Variants in PSMD3 observed in about 807,000 individuals in gnomAD.
PSMD3 encodes the protein proteasome 26S subunit, non-ATPase 3.
PSMD3 carries 5 observed loss-of-function variants against 62.8 expected under a neutral mutation model. The observed-to-expected ratio is 0.08, with a 90% confidence interval of 0.04 to 0.17. The LOEUF is 0.17. PSMD3 is among the 10% of genes least tolerant of loss of function. The pLI is 1.00. For missense variants in PSMD3, 524 were observed against 713.6 expected (o/e 0.73, Z 3.03); for synonymous variants, 265 against 283.9 (o/e 0.93, Z 0.67).
rs1185640344 is a variant in PSMD3 at position 39,995,128 on chromosome 17, T to C, written c.1097-48T>C. 3.1e-6 allele frequency: 5 copies of C among 1,613,930 alleles called. No homozygotes were observed. Among genetic ancestry groups the C allele is most frequent in the Non-Finnish European group, 4.2e-6 (5 of 1,179,976 alleles). On this transcript the variant is annotated intron_variant, in intron 7 of 11. Transcript: ENST00000264639. The surrounding 1 kb of genome is among the most constrained non-coding windows in gnomAD (Gnocchi z 4.1). Reference sequence around the variant, plus strand: ...GCCCCCTTCAGTGGGGCCTCTTACATGCCTGTGCCTATTTGCATCATCCAA... The same window carrying C: ...GCCCCCTTCAGTGGGGCCTCTTACACGCCTGTGCCTATTTGCATCATCCAA...
At position 39,995,819 on chromosome 17, in the gene PSMD3, T is replaced by TA; in HGVS notation, c.1320+293dup. ...GGATGGAACAAGATGTTCTCTGACTTAGAAGATGGGCGTGCTGGGCCAGGC... is the reference window on the plus strand; with the variant it reads ...GGATGGAACAAGATGTTCTCTGACTTAAGAAGATGGGCGTGCTGGGCCAGGC... On this transcript the variant is annotated intron_variant, in intron 9 of 11. Transcript: ENST00000264639. The surrounding 1 kb of genome is among the most constrained non-coding windows in gnomAD (Gnocchi z 4.1). 2.0e-6 allele frequency: 1 copy of TA among 501,102 alleles called. No homozygotes were observed. The highest frequency in any genetic ancestry group is 3.6e-6 in the Non-Finnish European group (1 of 275,814). The allele number at this position is 501,102 out of a possible 1,614,324, so 31.0% of individuals were successfully genotyped here.
In PSMD3 at chr17:39,996,978, C is replaced by T. The variant is rs76357059; in HGVS notation, c.1477-352C>T. ...GTCCCTTAGGTCAAGCCTCCCCTCC[C>T]ACTCCTGCCCCACCACCCAGCAGCC... On this transcript the variant is annotated intron_variant, in intron 10 of 11. Transcript: ENST00000264639. The surrounding 1 kb of genome is among the most constrained non-coding windows in gnomAD (Gnocchi z 5.1). 0.011 allele frequency among the ~76,000 whole-genome samples: 1,720 copies of T among 152,246 alleles called. 39 individuals are homozygous for T. Among genetic ancestry groups the T allele is most frequent in the African/African-American group, 0.039 (1,609 of 41,538 alleles).
chr17:39,992,496 A>G (rs1230743618), intron 6 of PSMD3, among the ~76,000 whole-genome samples: 1 of 152,212 alleles, frequency 6.6e-6, no homozygotes, highest in Non-Finnish European at 1.5e-5. Flanking sequence ...GGGTGATGCC[A>G]GTGCTGCTGG....
At chr17:39,988,547 C>T in intron 3 of PSMD3, 136 bp from the exon 4 acceptor site, 1 of 1,020,844 alleles carries the variant, frequency 9.8e-7, no homozygotes. Context: ...CATTCGTGTA[C>T]ATGCTTTTAT....
Position 39,995,364 on chromosome 17 carries a change from C to T in PSMD3, c.1217-60C>T, listed in dbSNP as rs563907315. The T allele has an allele frequency of 1.2e-5, 20 of 1,613,582 alleles. No homozygotes were observed. The South Asian group carries it at 2.2e-4, about 18-fold the overall frequency. On this transcript the variant is annotated intron_variant, in intron 8 of 11. Coordinates refer to ENST00000264639, the MANE Select transcript of PSMD3 (RefSeq NM_002809.4). The surrounding 1 kb of genome is among the most constrained non-coding windows in gnomAD (Gnocchi z 4.1). ...GGCCAGGGCAAACCTAGTGGGTATC[C>T]TTGGGCAAGTGAAGGGTCTGTGTCC...
intron 2 of PSMD3, 145 bp from the exon 3 acceptor site, chr17:39,986,430 T>C: frequency 9.6e-7 from 1 of 1,041,940 alleles, no homozygotes; most frequent in Non-Finnish European, 1.4e-6. Flanking sequence ...CTGTAATCTT[T>C]ATTTTTTTAT....
intron 6 of PSMD3, among the ~76,000 whole-genome samples, chr17:39,992,272 T>C (rs1980676448): frequency 6.6e-6 from 1 of 152,138 alleles, no homozygotes; most frequent in African/African-American, 2.4e-5. Context: ...CGTAGAGAGC[T>C]GGAAGAGAGG....
chr17:39,986,738 T>A, intron 3 of PSMD3, 26 bp downstream of exon 3: 1 of 1,612,896 alleles, frequency 6.2e-7, no homozygotes, highest in Non-Finnish European at 8.5e-7. Context: ...TGAGAGCGAT[T>A]CATAAGCCCC....
Position 39,986,729 on chromosome 17 carries a change from G to A in PSMD3, c.549+17G>A. 6.2e-7 allele frequency: 1 copy of A among 1,613,680 alleles called. No homozygotes were observed. Among genetic ancestry groups the A allele is most frequent in the Non-Finnish European group, 8.5e-7 (1 of 1,179,802 alleles). ...TACAAAGAGGTATCCAGGATGCAGT[G>A]AGAGCGATTCATAAGCCCCAAGTGA... On this transcript the variant is annotated intron_variant, in intron 3 of 11. Coordinates refer to ENST00000264639, the MANE Select transcript of PSMD3 (RefSeq NM_002809.4).
At chr17:39,987,156 G>A (rs1433620670) in intron 3 of PSMD3, among the ~76,000 whole-genome samples, 2 of 152,156 alleles carry the variant, frequency 1.3e-5, no homozygotes, top group Admixed American at 6.5e-5. Context: ...GTAAGCTTTC[G>A]TGATATTTTC....
Position 39,996,094 on chromosome 17 carries a change from C to G in PSMD3, c.1321-89C>G. 1 of 1,522,184 alleles carries G rather than the reference C, an allele frequency of 6.6e-7. No homozygotes were observed. Among genetic ancestry groups the G allele is most frequent in the Middle Eastern group, 2.3e-4 (1 of 4,388 alleles). The allele number at this position is 1,522,184 out of a possible 1,614,324, so 94.3% of individuals were successfully genotyped here. ...AGATCGCACCACCGCACTCTCCTGCCTGGGTGACAGAGCGAGACTCCATCT... is the reference window on the plus strand; with the variant it reads ...AGATCGCACCACCGCACTCTCCTGCGTGGGTGACAGAGCGAGACTCCATCT... On this transcript the variant is annotated intron_variant, in intron 9 of 11. Transcript: ENST00000264639. This position sits in a 1 kb window ranked among gnomAD's most constrained non-coding sequence, Gnocchi z 5.1.
intron 3 of PSMD3, among the ~76,000 whole-genome samples, chr17:39,987,571 C>T (rs1486209053): frequency 1.3e-5 from 2 of 152,160 alleles, no homozygotes; most frequent in East Asian, 1.9e-4. Context: ...TGGTCTCCAA[C>T]CCCTGGGCTC....
rs755506708 is a variant in PSMD3 at position 39,980,985 on chromosome 17, C to T, written c.15C>T (p.Gly5=). 6 of 1,545,620 alleles carry T rather than the reference C, an allele frequency of 3.9e-6. No individual in the cohort carries two copies. The Admixed American group carries it at 6.0e-5, about 16-fold the overall frequency. Reference sequence around the variant, plus strand: ...CCCCGGGTGCCATGAAGCAGGAGGGCTCGGCGCGGCGCCGCGGCGCGGACA... The same window carrying T: ...CCCCGGGTGCCATGAAGCAGGAGGGTTCGGCGCGGCGCCGCGGCGCGGACA... The part of the protein sequence containing the change: MKQE[G]SARRRGADKA... The change falls in exon 1 of 12, where the codon GGC becomes GGT. Residue 5 remains glycine, a synonymous_variant. Transcript: ENST00000264639.
intron 6 of PSMD3, among the ~76,000 whole-genome samples, chr17:39,990,554 C>T (rs985214745): frequency 4.6e-5 from 7 of 152,190 alleles, no homozygotes; most frequent in African/African-American, 1.7e-4. Flanking sequence ...GCCTCTGCCT[C>T]CCTAAGTGCT....
Position 39,981,183 on chromosome 17 carries a change from C to T in PSMD3, c.213C>T (p.Thr71=), listed in dbSNP as rs757921496. The T allele has an allele frequency of 1.9e-6, 3 of 1,550,542 alleles. No homozygotes were observed. The highest frequency in any genetic ancestry group is 2.7e-5 in the African/African-American group (2 of 73,022). ...CCCAGCGAGAGCTGGACACAGTCAC[C>T]TTGGAGGGTACGGCAGCCCAGGCCG... ...EHSQRELDTV[T]LEDIKEHVKQ... The change falls in exon 1 of 12, where the codon ACC becomes ACT. Residue 71 remains threonine (T), a synonymous_variant. Transcript: ENST00000264639.
rs1447282207 is a variant in PSMD3 at position 39,995,677 on chromosome 17, A to G, written c.1320+150A>G. ...CGTGCCCGTCATTTGCAGTGAAGCC[A>G]AGAAGTTGCCAGAGAGAGCATGGAT... On this transcript the variant is annotated intron_variant, in intron 9 of 11. Coordinates refer to ENST00000264639, the MANE Select transcript of PSMD3 (RefSeq NM_002809.4). The surrounding 1 kb of genome is among the most constrained non-coding windows in gnomAD (Gnocchi z 4.1). 1 of 760,928 alleles carries G rather than the reference A, an allele frequency of 1.3e-6. No individual in the cohort carries two copies. The highest frequency in any genetic ancestry group is 2.2e-5 in the Admixed American group (1 of 45,152). The allele number at this position is 760,928 out of a possible 1,614,324, so 47.1% of individuals were successfully genotyped here. A position where few individuals can be genotyped will look rare whatever the true frequency, so the allele number is the denominator to read the frequency against.
rs556141280 is a variant in PSMD3 at position 39,995,150 on chromosome 17, C to T, written c.1097-26C>T. On this transcript the variant is annotated intron_variant, in intron 7 of 11. Transcript: ENST00000264639. The surrounding 1 kb of genome is among the most constrained non-coding windows in gnomAD (Gnocchi z 4.1). ...ACATGCCTGTGCCTATTTGCATCAT[C>T]CAATCTACTCCTGTTCTGCCTGCAG... The T allele has an allele frequency of 2.5e-6, 4 of 1,614,112 alleles. No individual in the cohort carries two copies. The South Asian group carries it at 4.4e-5, about 18-fold the overall frequency.
At chr17:39,989,972 G>T in intron 5 of PSMD3, 43 bp downstream of exon 5, 2 of 1,596,484 alleles carry the variant, frequency 1.3e-6, no homozygotes, top group South Asian at 2.2e-5. Flanking sequence ...GGTGTCTCAG[G>T]CCTGCCTGGT....
chr17:39,995,335 G>C lies in PSMD3; in HGVS notation c.1216+40G>C. On this transcript the variant is annotated intron_variant, in intron 8 of 11. Transcript: ENST00000264639. The surrounding 1 kb of genome is among the most constrained non-coding windows in gnomAD (Gnocchi z 4.1). ...CTGAGGGGCTGTTGGAGGAGCAGAA[G>C]CCAGGCCAGGGCAAACCTAGTGGGT... 6.2e-7 allele frequency: 1 copy of C among 1,614,156 alleles called. No homozygotes were observed. The highest frequency in any genetic ancestry group is 1.3e-5 in the African/African-American group (1 of 75,050).
Sources: allele counts gnomAD v4.1 joint callset (sites outside exome capture counted in the v4.1 genomes callset), GRCh38; gene constraint gnomAD v4.1.1; non-coding constraint Gnocchi (gnomAD v3.1); transcripts MANE v1.5; gene names NCBI Gene and HGNC (gene_info 2026-07-23, HGNC 2026-07-21).